The following RUNX2 variants were observed in gnomAD, a reference collection of about 807,000 sequenced individuals.
The protein encoded by RUNX2 is runt-related transcription factor 2.
RUNX2 carries 10 observed loss-of-function variants against 51.7 expected under a neutral mutation model. That is an observed-to-expected ratio of 0.19 (90% CI 0.12 to 0.33). RUNX2 has a LOEUF of 0.33. Among genes scored for constraint, RUNX2 ranks in the 10% least tolerant of loss-of-function variants. The pLI, the probability that RUNX2 is intolerant of heterozygous loss-of-function variation, is 1.00. For missense variants in RUNX2, 562 were observed against 691.3 expected (o/e 0.81, Z 2.10); for synonymous variants, 276 against 273.6 (o/e 1.01, Z -0.09).
intron 8 of RUNX2, 72 bp from the exon 9 acceptor site, chr6:45,546,755 T>C: frequency 7.6e-7 from 1 of 1,315,552 alleles, no homozygotes; most frequent in Non-Finnish European, 1.1e-6. Context: ...TTTTTTTTTC[T>C]TGTAACAATT....
intron 2 of RUNX2, among the ~76,000 whole-genome samples, chr6:45,368,155 C>G (rs920505037): frequency 6.6e-6 from 1 of 152,138 alleles, no homozygotes; most frequent in Non-Finnish European, 1.5e-5. Flanking sequence ...GCAGTTGTTT[C>G]AGCTTTCAAT....
chr6:45,387,846 A>G (rs1245226698), intron 2 of RUNX2, among the ~76,000 whole-genome samples: 2 of 152,208 alleles, frequency 1.3e-5, no homozygotes, highest in Non-Finnish European at 2.9e-5. Context: ...AATCAGGATT[A>G]ATTGGACTTA....
chr6:45,535,779 A>AG (rs1251731656), intron 7 of RUNX2, among the ~76,000 whole-genome samples: 3 of 152,022 alleles, frequency 2.0e-5, no homozygotes, highest in African/African-American at 7.2e-5. Context: ...GAGATAGGGT[A>AG]GGGGGCTAGT....
intron 5 of RUNX2, among the ~76,000 whole-genome samples, chr6:45,469,149 T>C (rs1456502732): frequency 6.6e-6 from 1 of 152,224 alleles, no homozygotes; most frequent in Non-Finnish European, 1.5e-5. Context: ...TTCATGTTAG[T>C]TATTTGTGTA....
At chr6:45,402,904 A>G (rs1582074645) in intron 2 of RUNX2, among the ~76,000 whole-genome samples, 1 of 152,154 alleles carries the variant, frequency 6.6e-6, no homozygotes, top group Admixed American at 6.5e-5. Flanking sequence ...CCGCAAACAA[A>G]CACACTGAAA....
intron 5 of RUNX2, among the ~76,000 whole-genome samples, chr6:45,477,329 A>G (rs1042075138): frequency 6.6e-6 from 1 of 152,174 alleles, no homozygotes; most frequent in Non-Finnish European, 1.5e-5. Flanking sequence ...TCGTGTTCCC[A>G]TGACCACTGA....
chr6:45,342,270 AT>A (rs567988524), intron 2 of RUNX2, among the ~76,000 whole-genome samples: 4 of 150,054 alleles, frequency 2.7e-5, no homozygotes, highest in African/African-American at 9.8e-5. Context: ...CACAATCTCA[AT>A]TTTTTTTTTG....
chr6:45,528,347 G>A (rs982643005), intron 7 of RUNX2, among the ~76,000 whole-genome samples: 1 of 152,110 alleles, frequency 6.6e-6, no homozygotes, highest in Non-Finnish European at 1.5e-5. Context: ...TAGGTCAGGC[G>A]CGGTGGCTCA....
intron 2 of RUNX2, among the ~76,000 whole-genome samples, chr6:45,355,481 T>C (rs138620622): frequency 5.2e-4 from 79 of 152,176 alleles, no homozygotes; most frequent in African/African-American, 1.9e-3. Flanking sequence ...TAATTGTTCC[T>C]AAAATATAAA....
At chr6:45,339,592 C>CTATAT (rs1789334307) in intron 2 of RUNX2, among the ~76,000 whole-genome samples, 1 of 151,710 alleles carries the variant, frequency 6.6e-6, no homozygotes, top group African/African-American at 2.4e-5. Context: ...GTTTAACAAG[C>CTATAT]TATATTAATA....
chr6:45,456,427 C>T (rs1261359442), intron 5 of RUNX2, among the ~76,000 whole-genome samples: 1 of 152,158 alleles, frequency 6.6e-6, no homozygotes, highest in Non-Finnish European at 1.5e-5. Flanking sequence ...AAAAACATTA[C>T]AGCCCACTGC....
intron 6 of RUNX2, among the ~76,000 whole-genome samples, chr6:45,511,542 T>G (rs1470311943): frequency 1.3e-5 from 2 of 152,244 alleles, no homozygotes; most frequent in Non-Finnish European, 2.9e-5. Flanking sequence ...AATTTTTGTC[T>G]TTTTCTTCCG....
At chr6:45,403,747 G>A (rs1797771189) in intron 2 of RUNX2, among the ~76,000 whole-genome samples, 1 of 152,188 alleles carries the variant, frequency 6.6e-6, no homozygotes, top group Non-Finnish European at 1.5e-5. Context: ...CTCTCATGGA[G>A]CTGACATTCT....
chr6:45,514,133 C>T (rs1363482562), intron 7 of RUNX2, among the ~76,000 whole-genome samples: 1 of 152,008 alleles, frequency 6.6e-6, no homozygotes, highest in Non-Finnish European at 1.5e-5. Flanking sequence ...AGAAAAAAAC[C>T]TCAGGGAGTG....
At chr6:45,368,942 A>T (rs548471435) in intron 2 of RUNX2, among the ~76,000 whole-genome samples, 1 of 152,168 alleles carries the variant, frequency 6.6e-6, no homozygotes, top group Non-Finnish European at 1.5e-5. Context: ...ATCAGGTTAC[A>T]TCATGATCTA....
intron 2 of RUNX2, among the ~76,000 whole-genome samples, chr6:45,399,050 C>T (rs952543311): frequency 2.0e-5 from 3 of 152,142 alleles, no homozygotes; most frequent in African/African-American, 7.2e-5. Flanking sequence ...CATTGAGCTA[C>T]CTGTAACAGT....
At chr6:45,474,791 A>G (rs1386320884) in intron 5 of RUNX2, among the ~76,000 whole-genome samples, 2 of 152,204 alleles carry the variant, frequency 1.3e-5, no homozygotes, top group East Asian at 1.9e-4. Flanking sequence ...ATTAAGTAGA[A>G]TGGTTGCTAG....
chr6:45,532,162 A>ATTTTTTTTTTTTTTTT (rs3055521), intron 7 of RUNX2, among the ~76,000 whole-genome samples: 3 of 85,116 alleles, frequency 3.5e-5, no homozygotes, highest in Non-Finnish European at 6.6e-5. Flanking sequence ...GAAAACCTAG[A>ATTTTTTTTTTTTTTTT]TTTTTTTTTT....
At chr6:45,463,713 T>A (rs1799544607) in intron 5 of RUNX2, among the ~76,000 whole-genome samples, 1 of 152,224 alleles carries the variant, frequency 6.6e-6, no homozygotes, top group Admixed American at 6.5e-5. Context: ...GAATAGGGTA[T>A]CTCAGTTTAT....
Sources: allele counts gnomAD v4.1 joint callset (sites outside exome capture counted in the v4.1 genomes callset), GRCh38; gene constraint gnomAD v4.1.1; transcripts MANE v1.5; gene names NCBI Gene and HGNC (gene_info 2026-07-23, HGNC 2026-07-21).